The following CAMKMT variants were observed in gnomAD, a reference collection of about 807,000 sequenced individuals.
CAMKMT encodes calmodulin-lysine N-methyltransferase.
In CAMKMT, 53 loss-of-function variants were observed where a neutral mutation model predicts 48.0. That is an observed-to-expected ratio of 1.10 (90% CI 0.89 to 1.39). CAMKMT has a LOEUF of 1.39. CAMKMT is among the 40% of genes most tolerant of loss of function. CAMKMT has a pLI of 0.00. For synonymous variants in CAMKMT, 165 were observed against 152.3 expected (o/e 1.08, Z -0.61); for missense variants, 428 against 402.7 (o/e 1.06, Z -0.54).
intron 9 of CAMKMT, among the ~76,000 whole-genome samples, chr2:44,755,482 A>C (rs1394479383): frequency 2.0e-5 from 3 of 152,216 alleles, no homozygotes; most frequent in Non-Finnish European, 4.4e-5. Context: ...TGTATCATAC[A>C]TAAATATAAT....
At chr2:44,577,311 A>G (rs886774981) in intron 3 of CAMKMT, among the ~76,000 whole-genome samples, 3 of 152,226 alleles carry the variant, frequency 2.0e-5, no homozygotes, top group Admixed American at 2.0e-4. Flanking sequence ...AGAAAGGGGT[A>G]GCTGACCTGC....
chr2:44,431,282 A>T (rs1684634129), intron 3 of CAMKMT, among the ~76,000 whole-genome samples: 1 of 152,146 alleles, frequency 6.6e-6, no homozygotes, highest in Non-Finnish European at 1.5e-5. Flanking sequence ...TTAACTTTGT[A>T]TTAACTTCTG....
At chr2:44,641,092 C>G (rs1407794255) in intron 3 of CAMKMT, among the ~76,000 whole-genome samples, 2 of 152,086 alleles carry the variant, frequency 1.3e-5, no homozygotes, top group African/African-American at 2.4e-5. Flanking sequence ...CCTGTTGCCC[C>G]CCTTTTATCT....
chr2:44,393,390 A>T (rs1230007354), intron 3 of CAMKMT: 1 of 152,228 alleles, frequency 6.6e-6, no homozygotes, highest in Non-Finnish European at 1.5e-5. Context: ...AATTAAGAGG[A>T]ATCTCGTACA....
At chr2:44,751,002 G>C (rs925520654) in intron 8 of CAMKMT, among the ~76,000 whole-genome samples, 3 of 147,068 alleles carry the variant, frequency 2.0e-5, no homozygotes, top group African/African-American at 7.7e-5. Flanking sequence ...AACAGAGTGA[G>C]ACTCGGTCTC....
intron 3 of CAMKMT, among the ~76,000 whole-genome samples, chr2:44,677,829 G>GGTGT (rs371456973): frequency 1.3e-5 from 2 of 151,478 alleles, no homozygotes; most frequent in African/African-American, 2.4e-5. Context: ...TTGCTCTTGG[G>GGTGT]GTGTGTGTGT....
At chr2:44,756,405 A>G (rs1012668896) in intron 9 of CAMKMT, among the ~76,000 whole-genome samples, 4 of 151,972 alleles carry the variant, frequency 2.6e-5, no homozygotes, top group Admixed American at 2.0e-4. Context: ...CCAGACAACA[A>G]CTCCATGGTT....
chr2:44,706,461 G>A, intron 5 of CAMKMT, 120 bp downstream of exon 5: 1 of 883,680 alleles, frequency 1.1e-6, no homozygotes. Flanking sequence ...CAAGCTGCCG[G>A]GTCTTGAGAG....
At chr2:44,426,611 T>G (rs560660065) in intron 3 of CAMKMT, among the ~76,000 whole-genome samples, 1 of 152,264 alleles carries the variant, frequency 6.6e-6, no homozygotes, top group South Asian at 2.1e-4. Context: ...GGAATACTTG[T>G]AACCAAGGAG....
Position 44,658,780 on chromosome 2 carries a change from C to G in CAMKMT, c.377-45503C>G, listed in dbSNP as rs190132303. On this transcript the variant is annotated intron_variant, in intron 3 of 10. Transcript: ENST00000378494. The stretch of plus-strand genomic sequence containing the variant: ...CTCTAATTGTCTTCAGAGTTCAGGT[C>G]CCCAAGAAAGATTATGCCTTCTAAA... Among the ~76,000 whole-genome samples, 105 of 152,242 alleles carry G rather than the reference C, an allele frequency of 6.9e-4. 1 individual carries two copies. The East Asian group carries it at 0.017, about 25-fold the overall frequency.
intron 3 of CAMKMT, among the ~76,000 whole-genome samples, chr2:44,467,018 A>G (rs1340305865): frequency 1.3e-5 from 2 of 152,230 alleles, no homozygotes; most frequent in African/African-American, 2.4e-5. Context: ...TGGGAGGCCA[A>G]TACAGGAGGA....
intron 1 of CAMKMT, among the ~76,000 whole-genome samples, chr2:44,368,567 T>C (rs1283577095): frequency 6.6e-6 from 1 of 152,214 alleles, no homozygotes; most frequent in Non-Finnish European, 1.5e-5. Flanking sequence ...TACTAAACTA[T>C]GTAAGCCCCT....
At chr2:44,382,337 T>C (rs1360376898) in intron 2 of CAMKMT, among the ~76,000 whole-genome samples, 2 of 152,162 alleles carry the variant, frequency 1.3e-5, no homozygotes, top group African/African-American at 2.4e-5. Context: ...TAGAATCTTA[T>C]AGGCCCAGAG....
At chr2:44,383,131 CT>C (rs992963820) in intron 2 of CAMKMT, among the ~76,000 whole-genome samples, 4 of 148,138 alleles carry the variant, frequency 2.7e-5, no homozygotes, top group Non-Finnish European at 3.0e-5. Context: ...CCTACCTCCT[CT>C]TTTTTTTTTC....
chr2:44,490,995 C>A (rs1669471749), intron 3 of CAMKMT, among the ~76,000 whole-genome samples: 1 of 151,332 alleles, frequency 6.6e-6, no homozygotes, highest in Non-Finnish European at 1.5e-5. Flanking sequence ...ACAAAAAATA[C>A]AAAAAAAATT....
Position 44,693,725 on chromosome 2 carries a change from G to GA in CAMKMT, c.377-10557dup, listed in dbSNP as rs1262403612. Among the ~76,000 whole-genome samples, 16 of 152,338 alleles carry GA rather than the reference G, an allele frequency of 1.1e-4. 1 individual carries two copies. In the East Asian group the frequency reaches 2.9e-3, roughly 28 times the overall value. On this transcript the variant is annotated intron_variant, in intron 3 of 10. Coordinates refer to ENST00000378494, the MANE Select transcript of CAMKMT (RefSeq NM_024766.5). ...TGTGAGTTGGATTAAAAGAAAAGGA[G>GA]ACAGAGTACAAAGACTGAAATGAGC...
At chr2:44,428,292 G>C (rs1245482865) in intron 3 of CAMKMT, among the ~76,000 whole-genome samples, 1 of 152,148 alleles carries the variant, frequency 6.6e-6, no homozygotes, top group African/African-American at 2.4e-5. Context: ...CCTAGAGTTC[G>C]GTCGTTCCCA....
rs771439406 is a variant in CAMKMT, at chr2:44,362,043, G to A, written c.36G>A (p.Glu12=). The A allele has an allele frequency of 8.4e-6, 12 of 1,429,364 alleles. No homozygotes were observed. Among genetic ancestry groups the A allele is most frequent in the South Asian group, 1.5e-5 (1 of 68,736 alleles). 88.5% of individuals were successfully genotyped at this position (1,429,364 alleles called of 1,614,324 possible). Residue 12 remains glutamate, a synonymous_variant, in exon 1 of 11, where the codon GAG becomes GAA. Coordinates refer to ENST00000378494, the MANE Select transcript of CAMKMT (RefSeq NM_024766.5). ...GAGTCGCGGACGCTGGGACCGGCGA[G>A]ACCGCGCGAGCAGCGGGCGGGAGTC... ...ESRVADAGTG[E]TARAAGGSPA...
Position 44,701,035 on chromosome 2 carries a change from A to G in CAMKMT, c.377-3248A>G, listed in dbSNP as rs541414005. ...ACGTACCACATTTTATTTATCCGTTAGTCAGTTGATGGACATTGGGGTTGT... is the reference window on the plus strand; with the variant it reads ...ACGTACCACATTTTATTTATCCGTTGGTCAGTTGATGGACATTGGGGTTGT... On this transcript the variant is annotated intron_variant, in intron 3 of 10. Coordinates refer to ENST00000378494, the MANE Select transcript of CAMKMT (RefSeq NM_024766.5). Among the ~76,000 whole-genome samples, 3 of 152,336 alleles carry G rather than the reference A, an allele frequency of 2.0e-5. No homozygotes were observed. In the East Asian group the frequency reaches 5.8e-4, roughly 29 times the overall value.
Sources: allele counts gnomAD v4.1 joint callset (sites outside exome capture counted in the v4.1 genomes callset), GRCh38; gene constraint gnomAD v4.1.1; transcripts MANE v1.5; gene names NCBI Gene and HGNC (gene_info 2026-07-23, HGNC 2026-07-21).